ADGRV1: variants seen among roughly 807,000 people sequenced by gnomAD.
The protein encoded by ADGRV1 is G-protein coupled receptor 98.
A neutral mutation model predicts 596.2 loss-of-function variants in ADGRV1; 359 were observed. The ratio of observed to expected loss-of-function variants is 0.60; its 90% CI spans 0.55 to 0.66. ADGRV1 has a LOEUF of 0.66. Ranked by LOEUF, ADGRV1 falls within the 30% of genes least tolerant of loss-of-function variation. The pLI is 0.00. For synonymous variants in ADGRV1, 2,681 were observed against 2,679.2 expected (o/e 1.00, Z -0.02); for missense variants, 7,274 against 7,575.6 (o/e 0.96, Z 1.48).
intron 74 of ADGRV1, among the ~76,000 whole-genome samples, chr5:90,811,913 CT>C (rs1048135727): frequency 2.7e-5 from 4 of 149,588 alleles, no homozygotes; most frequent in African/African-American, 9.8e-5. Flanking sequence ...CAGTTTACCT[CT>C]GAAATCATAC....
Position 90,980,314 on chromosome 5 carries a change from G to A in ADGRV1, c.17974-5030G>A, listed in dbSNP as rs528576657. ...TTGTCTCTTTCCAACTGACAAATTT[G>A]GTGGTTTATAATGCTGAAAATATTT... On this transcript the variant is annotated intron_variant, in intron 84 of 89. Coordinates refer to ENST00000405460, the MANE Select transcript of ADGRV1 (RefSeq NM_032119.4). 2.0e-5 allele frequency among the ~76,000 whole-genome samples: 3 copies of A among 152,224 alleles called. No homozygotes were observed. The East Asian group carries it at 5.8e-4, about 29-fold the overall frequency.
At chr5:90,802,955 TAG>T in intron 71 of ADGRV1, 73 bp downstream of exon 71, 1 of 1,311,596 alleles carries the variant, frequency 7.6e-7, no homozygotes, top group East Asian at 2.6e-5. Context: ...CGGAGACTCT[TAG>T]AGCTAGAATT....
In ADGRV1 at chr5:90,716,669, A is replaced by G. The variant is rs754311282; in HGVS notation, c.9387A>G (p.Glu3129=). 13 of 1,613,070 alleles carry G rather than the reference A, an allele frequency of 8.1e-6. No individual in the cohort carries two copies. Among genetic ancestry groups the G allele is most frequent in the Non-Finnish European group, 1.0e-5 (12 of 1,179,168 alleles). ...TGACAGAAGTGAATTCCTCAAATGA[A>G]TCTAAAGATCTGACTCCTTCCAAAG... The part of the protein sequence containing the change: ...FIVTEVNSSN[E]SKDLTPSKGY... Residue 3129 remains glutamate, a synonymous_variant, in exon 43 of 90, where the codon GAA becomes GAG. Transcript: ENST00000405460.
At chr5:90,704,952 A>G (rs1748401892) in intron 36 of ADGRV1, among the ~76,000 whole-genome samples, 1 of 152,002 alleles carries the variant, frequency 6.6e-6, no homozygotes, top group Non-Finnish European at 1.5e-5. Context: ...CTGGGACTAC[A>G]GGCATGCACT....
At chr5:90,736,214 C>T (rs188498850) in intron 50 of ADGRV1, among the ~76,000 whole-genome samples, 2 of 152,118 alleles carry the variant, frequency 1.3e-5, no homozygotes, top group African/African-American at 4.8e-5. Context: ...AAATACTTTG[C>T]ATCAATTTAG....
At chr5:90,936,938 C>G (rs948261622) in intron 83 of ADGRV1, among the ~76,000 whole-genome samples, 2 of 152,066 alleles carry the variant, frequency 1.3e-5, no homozygotes, top group Non-Finnish European at 2.9e-5. Context: ...AATAGGTTGA[C>G]AGGGTATAAA....
At chr5:91,084,171 AGTT>A (rs1310597518) in intron 86 of ADGRV1, among the ~76,000 whole-genome samples, 2 of 151,892 alleles carry the variant, frequency 1.3e-5, no homozygotes, top group Non-Finnish European at 2.9e-5. Flanking sequence ...TTCCACCCTT[AGTT>A]GTTCTTGAAA....
chr5:90,809,233 G>T (rs187463639), intron 73 of ADGRV1, among the ~76,000 whole-genome samples: 2 of 149,708 alleles, frequency 1.3e-5, no homozygotes, highest in Admixed American at 1.3e-4. Context: ...TGGGATTACA[G>T]GCGTGAGCCA....
At chr5:90,713,173 A>T (rs976169384) in intron 42 of ADGRV1, among the ~76,000 whole-genome samples, 34 of 151,606 alleles carry the variant, frequency 2.2e-4, no homozygotes, top group African/African-American at 7.3e-4. Flanking sequence ...TTTTTTTTAA[A>T]AAAAATTTTA....
intron 83 of ADGRV1, among the ~76,000 whole-genome samples, chr5:90,881,924 G>T (rs1470480665): frequency 1.3e-5 from 2 of 151,966 alleles, no homozygotes; most frequent in African/African-American, 2.4e-5. Context: ...GCTCAAGCTG[G>T]TCTCCACCTC....
At chr5:90,773,548 G>A (rs1757914004) in intron 59 of ADGRV1, among the ~76,000 whole-genome samples, 1 of 152,098 alleles carries the variant, frequency 6.6e-6, no homozygotes, top group African/African-American at 2.4e-5. Context: ...GAAACAAGTG[G>A]AACTGATATG....
rs779489133 is a variant in ADGRV1 at position 90,614,963 on chromosome 5, A to G, written c.151A>G (p.Ile51Val). The part of the protein sequence containing the change: ...FVVNETSTTV[I>V]RLIIERIGEP... ...TGTTAATGAAACAAGTACAACAGTTATTCGTCTTATCATTGAAAGGATAGG... is the reference window on the plus strand; with the variant it reads ...TGTTAATGAAACAAGTACAACAGTTGTTCGTCTTATCATTGAAAGGATAGG... The change falls in exon 2 of 90, where the codon ATT becomes GTT. Residue 51 changes from isoleucine to valine, a missense_variant. Physicochemically the swap from Ile to Val is conservative, Grantham distance 29 (BLOSUM62 3). Transcript: ENST00000405460. 2 of 1,568,824 alleles carry G rather than the reference A, an allele frequency of 1.3e-6. No individual in the cohort carries two copies. The highest frequency in any genetic ancestry group is 1.7e-6 in the Non-Finnish European group (2 of 1,154,088).
chr5:91,120,947 G>A lies in ADGRV1; in HGVS notation c.18432+18607G>A, dbSNP rs574106007. Among the ~76,000 whole-genome samples the A allele has an allele frequency of 2.6e-5, 4 of 152,310 alleles. No homozygotes were observed. The East Asian group carries it at 7.7e-4, about 29-fold the overall frequency. ...CCAGCACTTTGGGAGGCCAAGGTGG[G>A]CGGGTCACTTGAGGTTAGGAGTTCG... On this transcript the variant is annotated intron_variant, in intron 87 of 89. Coordinates refer to ENST00000405460, the MANE Select transcript of ADGRV1 (RefSeq NM_032119.4).
chr5:90,617,600 G>A (rs1047064769), intron 2 of ADGRV1: 7 of 437,858 alleles, frequency 1.6e-5, no homozygotes, highest in African/African-American at 1.0e-4. Context: ...GAGCCACTGC[G>A]CCTGGCCTGG....
At chr5:90,967,330 G>A (rs1778563084) in intron 84 of ADGRV1, among the ~76,000 whole-genome samples, 1 of 152,090 alleles carries the variant, frequency 6.6e-6, no homozygotes, top group Non-Finnish European at 1.5e-5. Flanking sequence ...AGCTCTTTGA[G>A]CAGTTTTAAT....
At chr5:90,898,371 G>T (rs1457375197) in intron 83 of ADGRV1, among the ~76,000 whole-genome samples, 1 of 152,134 alleles carries the variant, frequency 6.6e-6, no homozygotes, top group East Asian at 1.9e-4. Flanking sequence ...TTGGTCTTCA[G>T]TGCTCATACC....
chr5:90,573,816 T>A (rs1756852070), intron 1 of ADGRV1, among the ~76,000 whole-genome samples: 1 of 152,192 alleles, frequency 6.6e-6, no homozygotes, highest in Admixed American at 6.5e-5. Context: ...AAAGCATAAT[T>A]TGTCAGATAT....
chr5:90,985,887 G>C (rs1000134866), intron 85 of ADGRV1, among the ~76,000 whole-genome samples: 6 of 151,876 alleles, frequency 4.0e-5, no homozygotes, highest in African/African-American at 1.5e-4. Context: ...GTGTGTTTTT[G>C]GTGAGGGTGG....
intron 1 of ADGRV1, among the ~76,000 whole-genome samples, chr5:90,575,453 G>A (rs548323558): frequency 2.5e-4 from 38 of 152,080 alleles, no homozygotes; most frequent in African/African-American, 7.7e-4. Flanking sequence ...GGGTTTCACC[G>A]TATTGGCCAG....
Sources: allele counts gnomAD v4.1 joint callset (sites outside exome capture counted in the v4.1 genomes callset), GRCh38; gene constraint gnomAD v4.1.1; transcripts MANE v1.5; gene names NCBI Gene and HGNC (gene_info 2026-07-23, HGNC 2026-07-21).